The following CRISPLD2 variants were observed in gnomAD, a reference collection of about 807,000 sequenced individuals.
CRISPLD2 encodes cysteine-rich secretory protein LCCL domain-containing 2.
A neutral mutation model predicts 71.1 loss-of-function variants in CRISPLD2; 47 were observed. The observed-to-expected ratio is 0.66, with a 90% CI of 0.52 to 0.84. The LOEUF is 0.84. Ranked by LOEUF, CRISPLD2 falls within the 40% of genes least tolerant of loss-of-function variation. CRISPLD2 has a pLI of 0.00. For synonymous variants in CRISPLD2, 317 were observed against 250.1 expected (o/e 1.27, Z -2.52); for missense variants, 830 against 651.1 (o/e 1.27, Z -2.99).
intron 2 of CRISPLD2, among the ~76,000 whole-genome samples, chr16:84,840,756 G>A (rs774448756): frequency 6.6e-6 from 1 of 152,016 alleles, no homozygotes; most frequent in Non-Finnish European, 1.5e-5. Context: ...TGGCCAGGCT[G>A]GTCACAAACT....
At chr16:84,878,680 C>A (rs912887505) in intron 12 of CRISPLD2, among the ~76,000 whole-genome samples, 3 of 152,196 alleles carry the variant, frequency 2.0e-5, no homozygotes. Context: ...CGCTGAAGTT[C>A]CTGGTAGATC....
At chr16:84,833,568 G>A (rs998362705) in intron 1 of CRISPLD2, among the ~76,000 whole-genome samples, 3 of 152,206 alleles carry the variant, frequency 2.0e-5, no homozygotes, top group African/African-American at 7.2e-5. Flanking sequence ...CTCACACCCT[G>A]GGTACCGAAG....
At position 84,845,854 on chromosome 16, in the gene CRISPLD2, C is replaced by T; in HGVS notation, c.309C>T (p.Pro103=). ...WASQCIWEHG[P]TSLLVSIGQN... The stretch of plus-strand genomic sequence containing the variant: ...GTCAGTGCATCTGGGAGCACGGGCC[C>T]ACCAGTCTGCTGGTGTCCATCGGGC... Residue 103 remains proline (P), a synonymous_variant, in exon 3 of 15, where the codon CCC becomes CCT. Coordinates refer to ENST00000262424, the MANE Select transcript of CRISPLD2 (RefSeq NM_031476.4). 1.2e-6 allele frequency: 2 copies of T among 1,614,084 alleles called. No individual in the cohort carries two copies. The highest frequency in any genetic ancestry group is 1.7e-6 in the Non-Finnish European group (2 of 1,179,946).
chr16:84,831,928 T>A (rs1916498778), intron 1 of CRISPLD2, among the ~76,000 whole-genome samples: 1 of 151,940 alleles, frequency 6.6e-6, no homozygotes, highest in African/African-American at 2.4e-5. Context: ...AAAGATGGGG[T>A]TTCACCACAT....
intron 3 of CRISPLD2, among the ~76,000 whole-genome samples, chr16:84,847,210 A>G (rs1391559824): frequency 6.6e-6 from 1 of 152,104 alleles, no homozygotes; most frequent in Non-Finnish European, 1.5e-5. Flanking sequence ...CTTGGGTTTC[A>G]CTGGGCCACG....
intron 1 of CRISPLD2, among the ~76,000 whole-genome samples, chr16:84,835,970 C>T (rs1057289131): frequency 6.6e-6 from 1 of 152,230 alleles, no homozygotes; most frequent in South Asian, 2.1e-4. Context: ...ATCCAAAATC[C>T]GAAATGCTTC....
intron 13 of CRISPLD2, among the ~76,000 whole-genome samples, chr16:84,884,553 T>C (rs111974530): frequency 2.6e-5 from 4 of 152,312 alleles, no homozygotes; most frequent in Middle Eastern, 3.4e-3. Context: ...ACTCAGGTAT[T>C]CCTGTTGCAG....
In CRISPLD2 at chr16:84,872,435, T is replaced by C; in HGVS notation, c.915-7T>C. 6.2e-7 allele frequency: 1 copy of C among 1,612,730 alleles called. No individual in the cohort carries two copies. The highest frequency in any genetic ancestry group is 8.5e-7 in the Non-Finnish European group (1 of 1,178,928). On this transcript the variant is annotated splice_polypyrimidine_tract_variant and splice_region_variant and intron_variant, in intron 8 of 14. Coordinates refer to ENST00000262424, the MANE Select transcript of CRISPLD2 (RefSeq NM_031476.4). ...CTCTGAACATCATTTTATTTCTTCC[T>C]CGTCAGGTACCAGTGCCCAGCAGGC...
rs1239956255 is a variant in CRISPLD2, at chr16:84,873,983, T to C, written c.1156+20T>C. 1 of 1,596,946 alleles carries C rather than the reference T, an allele frequency of 6.3e-7. No individual in the cohort carries two copies. Among genetic ancestry groups the C allele is most frequent in the African/African-American group, 1.4e-5 (1 of 73,960 alleles). On this transcript the variant is annotated intron_variant, in intron 11 of 14. Transcript: ENST00000262424. ...TGAAAGGTAAGCTAGCCAGTCTCTT[T>C]TGCGACCATAATACCTGGGTTATCT...
intron 14 of CRISPLD2, among the ~76,000 whole-genome samples, chr16:84,891,698 A>C (rs2071664219): frequency 6.6e-6 from 1 of 152,186 alleles, no homozygotes; most frequent in African/African-American, 2.4e-5. Context: ...TCATGAGAAC[A>C]TCACAGCAGT....
chr16:84,828,701 A>G (rs1916414713), intron 1 of CRISPLD2, among the ~76,000 whole-genome samples: 1 of 152,102 alleles, frequency 6.6e-6, no homozygotes, highest in Admixed American at 6.5e-5. Flanking sequence ...GACTTTTCTT[A>G]TATATCACCT....
At chr16:84,903,905 C>A (rs1183966832) in intron 14 of CRISPLD2, among the ~76,000 whole-genome samples, 1 of 152,208 alleles carries the variant, frequency 6.6e-6, no homozygotes, top group Non-Finnish European at 1.5e-5. Flanking sequence ...CTGTTCACCC[C>A]ACCAGCTCCT....
intron 13 of CRISPLD2, among the ~76,000 whole-genome samples, chr16:84,888,616 C>A (rs1219840272): frequency 1.3e-5 from 2 of 152,260 alleles, no homozygotes; most frequent in Non-Finnish European, 2.9e-5. Context: ...CCTGCCCACA[C>A]CTCCTGCCAC....
At chr16:84,833,558 C>G (rs1916539412) in intron 1 of CRISPLD2, among the ~76,000 whole-genome samples, 2 of 152,070 alleles carry the variant, frequency 1.3e-5, no homozygotes, top group African/African-American at 4.8e-5. Flanking sequence ...GAGTGGGAGC[C>G]TCACACCCTG....
At chr16:84,847,227 C>T (rs1428932489) in intron 3 of CRISPLD2, among the ~76,000 whole-genome samples, 7 of 152,324 alleles carry the variant, frequency 4.6e-5, no homozygotes, top group Admixed American at 1.3e-4. Flanking sequence ...CACGGGCAGC[C>T]GCACCTTCCT....
At chr16:84,889,596 G>A (rs2071643568) in intron 14 of CRISPLD2, among the ~76,000 whole-genome samples, 1 of 138,390 alleles carries the variant, frequency 7.2e-6, no homozygotes, top group African/African-American at 2.8e-5. Flanking sequence ...AAAAAAAAAA[G>A]AACTTTTTTT....
intron 4 of CRISPLD2, among the ~76,000 whole-genome samples, chr16:84,850,164 C>T (rs555426004): frequency 1.4e-4 from 21 of 151,546 alleles, no homozygotes; most frequent in Non-Finnish European, 2.8e-4. Flanking sequence ...GATCTTGGCT[C>T]ACCGCAACCT....
chr16:84,824,974 G>T (rs890369225), intron 1 of CRISPLD2, among the ~76,000 whole-genome samples: 2 of 151,932 alleles, frequency 1.3e-5, no homozygotes, highest in African/African-American at 2.4e-5. Flanking sequence ...CGTGGTGGCA[G>T]GCACCTGTAG....
chr16:84,848,326 C>T (rs1178675973), intron 3 of CRISPLD2, among the ~76,000 whole-genome samples: 6 of 152,192 alleles, frequency 3.9e-5, no homozygotes, highest in African/African-American at 1.4e-4. Context: ...CTAACTGCCT[C>T]GACGACCACA....
Sources: gnomAD v4.1 joint callset for allele counts (sites outside exome capture counted in the v4.1 genomes callset) on GRCh38, gnomAD v4.1.1 for gene constraint, MANE v1.5 for transcripts, NCBI Gene and HGNC (gene_info 2026-07-23, HGNC 2026-07-21) for gene names.